Variants in SEZ6L observed in about 807,000 individuals in gnomAD.
SEZ6L encodes seizure 6-like protein.
Under a neutral mutation model 106.2 loss-of-function variants are expected in SEZ6L, and 37 were observed. The observed-to-expected ratio is 0.35, with a 90% CI of 0.27 to 0.46. The LOEUF (loss-of-function observed/expected upper bound fraction) is 0.46, where lower values mean the gene tolerates loss of function less well. Among genes scored for constraint, SEZ6L ranks in the 20% least tolerant of loss-of-function variants. The pLI is 1.00. For missense variants in SEZ6L, 1,172 were observed against 1,332.8 expected, an observed-to-expected ratio of 0.88 and a Z score of 1.88; for synonymous variants, 541 against 570.4, an observed-to-expected ratio of 0.95 and a Z score of 0.73.
At position 26,381,001 on chromosome 22, in the gene SEZ6L, T is replaced by G. The variant is rs189670414; in HGVS notation, c.*706T>G. 1 of 151,988 alleles carries G rather than the reference T, an allele frequency of 6.6e-6. No individual in the cohort carries two copies. Among genetic ancestry groups the G allele is most frequent in the African/African-American group, 2.4e-5 (1 of 41,350 alleles). 9.4% of individuals were successfully genotyped at this position (151,988 alleles called of 1,614,324 possible). On this transcript the variant is annotated 3_prime_UTR_variant, in exon 17 of 17. Coordinates refer to ENST00000248933, the MANE Select transcript of SEZ6L (RefSeq NM_021115.5). ...AATTTTTCAGAGACAAATGAGAGAT[T>G]TGAGAGTTCCAATGAAGAATTGGGT...
At chr22:26,370,129 T>G (rs1035705104) in intron 13 of SEZ6L, among the ~76,000 whole-genome samples, 2 of 149,828 alleles carry the variant, frequency 1.3e-5, no homozygotes, top group Non-Finnish European at 3.0e-5. Context: ...ACGCCTGTAA[T>G]CCCAGCACTT....
At chr22:26,324,054 C>G (rs1280464117) in intron 9 of SEZ6L, among the ~76,000 whole-genome samples, 2 of 139,338 alleles carry the variant, frequency 1.4e-5, no homozygotes, top group African/African-American at 5.6e-5. Flanking sequence ...AGACCAAAGC[C>G]AGTTTTTAAC....
intron 9 of SEZ6L, among the ~76,000 whole-genome samples, chr22:26,330,869 C>T (rs1168051298): frequency 6.6e-6 from 1 of 152,098 alleles, no homozygotes; most frequent in Non-Finnish European, 1.5e-5. Flanking sequence ...TTCTAATTTG[C>T]ATTTAAAGAA....
At chr22:26,350,093 A>T (rs190744191) in intron 11 of SEZ6L, among the ~76,000 whole-genome samples, 1,804 of 152,008 alleles carry the variant, frequency 0.012, 31 homozygotes, top group African/African-American at 0.039. Context: ...TTTCCTTTTT[A>T]AAAAAATCGC....
At chr22:26,215,128 A>G (rs979591541) in intron 1 of SEZ6L, among the ~76,000 whole-genome samples, 2 of 152,262 alleles carry the variant, frequency 1.3e-5, no homozygotes, top group Non-Finnish European at 1.5e-5. Flanking sequence ...AGACCGAATT[A>G]CATGTATCAG....
At chr22:26,250,147 C>T (rs928977003) in intron 1 of SEZ6L, among the ~76,000 whole-genome samples, 1 of 152,100 alleles carries the variant, frequency 6.6e-6, no homozygotes, top group Non-Finnish European at 1.5e-5. Context: ...GTTTTCTTTG[C>T]TGTGTAGAAG....
rs2081193220 is a variant in SEZ6L, at chr22:26,293,149, A to G, written c.835+3A>G. ...CATCACCACCGAGCAGGCACCAGGT[A>G]TGCAGCCCCCAACTCCTGAAGCCAT... On this transcript the variant is annotated splice_donor_region_variant and intron_variant, in intron 2 of 16. Transcript: ENST00000248933. The G allele has an allele frequency of 1.3e-6, 2 of 1,518,852 alleles. No individual in the cohort carries two copies. The highest frequency in any genetic ancestry group is 1.4e-5 in the African/African-American group (1 of 72,044). 94.1% of individuals were successfully genotyped at this position (1,518,852 alleles called of 1,614,324 possible). A position where few individuals can be genotyped will look rare whatever the true frequency, so the allele number is the denominator to read the frequency against.
chr22:26,192,725 G>A (rs1291697241), intron 1 of SEZ6L, among the ~76,000 whole-genome samples: 1 of 152,144 alleles, frequency 6.6e-6, no homozygotes, highest in Non-Finnish European at 1.5e-5. Context: ...GGCCTAATGG[G>A]TAAAATAGGC....
chr22:26,348,707 C>G (rs1363205212), intron 11 of SEZ6L, among the ~76,000 whole-genome samples: 3 of 28,490 alleles, frequency 1.1e-4, no homozygotes, highest in East Asian at 1.3e-3. Flanking sequence ...AGAAAGAAGG[C>G]AAGGGAGGGA....
rs764701266 is a variant in SEZ6L at position 26,296,932 on chromosome 22, C to T, written c.1014C>T (p.Arg338=). 15 of 1,612,666 alleles carry T rather than the reference C, an allele frequency of 9.3e-6. No homozygotes were observed. Among genetic ancestry groups the T allele is most frequent in the South Asian group, 6.6e-5 (6 of 90,780 alleles). The change falls in exon 4 of 17, where the codon CGC becomes CGT. Residue 338 remains arginine (R), a synonymous_variant. Transcript: ENST00000248933. ...CCGATGGGGAACTGCTCTCCATCCG[C>T]GGGGTGGACGGCCCTACCCTGACCG... ...NLSDGELLSI[R]GVDGPTLTVL...
chr22:26,266,267 A>T (rs1023965143), intron 1 of SEZ6L, among the ~76,000 whole-genome samples: 1 of 150,078 alleles, frequency 6.7e-6, no homozygotes, highest in Non-Finnish European at 1.5e-5. Context: ...TAAAAAAATC[A>T]AAATAAAAAG....
Position 26,311,817 on chromosome 22 carries a change from C to G in SEZ6L, c.1731C>G (p.Phe577Leu), listed in dbSNP as rs753562067. The change falls in exon 8 of 17, where the codon TTC becomes TTG. Residue 577 changes from phenylalanine (F) to leucine (L), a missense_variant. Phe to Leu is a conservative substitution (Grantham distance 22). Transcript: ENST00000248933. ...AGCCCTACATCCAGAATGGGAACTT[C>G]ACTACATCCGACCCGACCTATAACA... ...CYEPYIQNGN[F>L]TTSDPTYNIG... 3 of 1,614,206 alleles carry G rather than the reference C, an allele frequency of 1.9e-6. No individual in the cohort carries two copies. Among genetic ancestry groups the G allele is most frequent in the Non-Finnish European group, 2.5e-6 (3 of 1,180,034 alleles).
chr22:26,340,760 A>G, intron 10 of SEZ6L, 128 bp downstream of exon 10: 1 of 778,988 alleles, frequency 1.3e-6, no homozygotes, highest in Non-Finnish European at 1.9e-6. Context: ...AAATGTACTC[A>G]TTTCATTTTT....
At chr22:26,354,942 G>A (rs1040265482) in intron 12 of SEZ6L, among the ~76,000 whole-genome samples, 3 of 152,240 alleles carry the variant, frequency 2.0e-5, no homozygotes, top group African/African-American at 4.8e-5. Flanking sequence ...TGGTGGCAGC[G>A]ACGTGACAAG....
intron 9 of SEZ6L, among the ~76,000 whole-genome samples, chr22:26,316,397 G>T (rs1268554851): frequency 6.6e-6 from 1 of 152,218 alleles, no homozygotes; most frequent in African/African-American, 2.4e-5. Flanking sequence ...TAGCAGGTGA[G>T]GCAGGTAAGA....
chr22:26,272,124 A>G (rs1479080536), intron 1 of SEZ6L, among the ~76,000 whole-genome samples: 1 of 152,230 alleles, frequency 6.6e-6, no homozygotes, highest in Non-Finnish European at 1.5e-5. Flanking sequence ...AGTAGTCAGA[A>G]TTGGTCCTTG....
chr22:26,342,152 T>C (rs16981803), intron 10 of SEZ6L, among the ~76,000 whole-genome samples: 5,066 of 152,198 alleles, frequency 0.033, 279 homozygotes, highest in African/African-American at 0.12. Flanking sequence ...CTAACATCCT[T>C]TGACATCTAG....
chr22:26,335,448 A>G (rs766328787), intron 9 of SEZ6L, among the ~76,000 whole-genome samples: 8 of 152,180 alleles, frequency 5.3e-5, no homozygotes, highest in Non-Finnish European at 1.0e-4. Flanking sequence ...TGCAAAGGGC[A>G]TGGGAGGTAA....
chr22:26,286,677 G>A (rs1029335220), intron 1 of SEZ6L, among the ~76,000 whole-genome samples: 2 of 151,192 alleles, frequency 1.3e-5, no homozygotes, highest in African/African-American at 2.4e-5. Context: ...TTGGAATTCC[G>A]TGCCTCTCCC....
Sources: allele counts gnomAD v4.1 joint callset (sites outside exome capture counted in the v4.1 genomes callset), GRCh38; gene constraint gnomAD v4.1.1; transcripts MANE v1.5; gene names NCBI Gene and HGNC (gene_info 2026-07-23, HGNC 2026-07-21).